The following ANKRD13B variants were observed in gnomAD, a reference collection of about 807,000 sequenced individuals.
ANKRD13B encodes the protein ankyrin repeat domain-containing protein 13B.
ANKRD13B carries 33 observed loss-of-function variants against 74.4 expected under a neutral mutation model. The ratio of observed to expected loss-of-function variants is 0.44; its 90% CI spans 0.34 to 0.59. The LOEUF (loss-of-function observed/expected upper bound fraction) is 0.59, where lower values mean the gene tolerates loss of function less well. ANKRD13B is among the 20% of genes least tolerant of loss of function. ANKRD13B has a pLI of 0.02. For missense variants in ANKRD13B, 676 were observed against 877.9 expected, an observed-to-expected ratio of 0.77 and a Z score of 2.91; for synonymous variants, 341 against 362.9, an observed-to-expected ratio of 0.94 and a Z score of 0.68.
In ANKRD13B at chr17:29,613,629, G is replaced by C. The variant is rs1020624648; in HGVS notation, c.*47G>C. 10 of 1,391,282 alleles carry C rather than the reference G, an allele frequency of 7.2e-6. 2 individuals are homozygous for C. The Admixed American group carries it at 1.7e-4, about 23-fold the overall frequency. The allele number at this position is 1,391,282 out of a possible 1,614,324, so 86.2% of individuals were successfully genotyped here. A position where few individuals can be genotyped will look rare whatever the true frequency, so the allele number is the denominator to read the frequency against. ...CCAGCGCCACGCGCGCCACGCCCAG[G>C]GCCAGGAGCCAGACAAACCCCGGCC... is the stretch of plus-strand genomic sequence containing the variant. On this transcript the variant is annotated 3_prime_UTR_variant, in exon 15 of 15. Transcript: ENST00000394859.
At chr17:29,600,440 G>A (rs933487284) in intron 1 of ANKRD13B, among the ~76,000 whole-genome samples, 1 of 152,212 alleles carries the variant, frequency 6.6e-6, no homozygotes, top group Non-Finnish European at 1.5e-5. Context: ...AGTGGTTCAG[G>A]ACCCAGGTAG....
chr17:29,609,299 C>T lies in ANKRD13B; in HGVS notation c.755+24C>T. The stretch of plus-strand genomic sequence containing the variant: ...AGGTGGGTGGACATGGCCTTGGTCA[C>T]CCTTGAGCCAGCCCGGTGGGGTGCC... On this transcript the variant is annotated intron_variant, in intron 6 of 14. Coordinates refer to ENST00000394859, the MANE Select transcript of ANKRD13B (RefSeq NM_152345.5). The surrounding 1 kb of genome is among the most constrained non-coding windows in gnomAD (Gnocchi z 4.0). 6 of 1,613,200 alleles carry T rather than the reference C, an allele frequency of 3.7e-6. No individual in the cohort carries two copies. Among genetic ancestry groups the T allele is most frequent in the Non-Finnish European group, 5.1e-6 (6 of 1,179,830 alleles).
At chr17:29,596,643 C>A (rs2033965795) in intron 1 of ANKRD13B, among the ~76,000 whole-genome samples, 1 of 152,186 alleles carries the variant, frequency 6.6e-6, no homozygotes, top group Non-Finnish European at 1.5e-5. Flanking sequence ...TTTTCCTTCT[C>A]CCTGGGGCGT....
Position 29,613,630 on chromosome 17 carries a change from G to A in ANKRD13B, c.*48G>A. On this transcript the variant is annotated 3_prime_UTR_variant, in exon 15 of 15. Transcript: ENST00000394859. ...CAGCGCCACGCGCGCCACGCCCAGG[G>A]CCAGGAGCCAGACAAACCCCGGCCT... 7.2e-7 allele frequency: 1 copy of A among 1,389,880 alleles called. No individual in the cohort carries two copies. The highest frequency in any genetic ancestry group is 9.3e-7 in the Non-Finnish European group (1 of 1,074,628). The allele number at this position is 1,389,880 out of a possible 1,614,324, so 86.1% of individuals were successfully genotyped here.
In ANKRD13B at chr17:29,609,437, C is replaced by T; in HGVS notation, c.822+16C>T. The T allele has an allele frequency of 6.2e-7, 1 of 1,612,512 alleles. No individual in the cohort carries two copies. The highest frequency in any genetic ancestry group is 1.7e-5 in the Admixed American group (1 of 59,990). ...TGAAGCTAAGGTGAGGCTGCAGCTC[C>T]CAGCTGCCAGCCCAGCTGCACTCTT... On this transcript the variant is annotated intron_variant, in intron 7 of 14. Transcript: ENST00000394859. The surrounding 1 kb of genome is among the most constrained non-coding windows in gnomAD (Gnocchi z 4.0).
At position 29,593,270 on chromosome 17, in the gene ANKRD13B, C is replaced by CA. The variant is rs1003721701; in HGVS notation, c.-352_-351insA. ...GTCCCCGGGGCCCGCGTCCCGTGCG[C>CA]CCCCGCGCCCGCTGCGGGCGCCTGC... On this transcript the variant is annotated 5_prime_UTR_variant, in exon 1 of 15. It introduces an in-frame stop codon into an upstream open reading frame of the 5' UTR. Coordinates refer to ENST00000394859, the MANE Select transcript of ANKRD13B (RefSeq NM_152345.5). Among the ~76,000 whole-genome samples, 4 of 148,906 alleles carry CA rather than the reference C, an allele frequency of 2.7e-5. No homozygotes were observed. The highest frequency in any genetic ancestry group is 6.7e-5 in the Admixed American group (1 of 15,004).
Position 29,608,301 on chromosome 17 carries a change from C to G in ANKRD13B, c.421+61C>G, listed in dbSNP as rs1206324072. 1 of 1,604,652 alleles carries G rather than the reference C, an allele frequency of 6.2e-7. No individual in the cohort carries two copies. The highest frequency in any genetic ancestry group is 1.3e-5 in the African/African-American group (1 of 74,788). ...CCACTTTAGGTCCTGCGCTTGCTCC[C>G]CTGCCTGGAATGTGTTCTCATAGTT... is the stretch of plus-strand genomic sequence containing the variant. On this transcript the variant is annotated intron_variant, in intron 4 of 14. Transcript: ENST00000394859. The surrounding 1 kb of genome is among the most constrained non-coding windows in gnomAD (Gnocchi z 6.4).
At chr17:29,610,007 A>G (rs908765125) in intron 7 of ANKRD13B, among the ~76,000 whole-genome samples, 3 of 152,098 alleles carry the variant, frequency 2.0e-5, no homozygotes, top group South Asian at 4.1e-4. Flanking sequence ...CCTGGCTAAC[A>G]TGGTGAAACC....
chr17:29,595,963 G>A (rs1370622320), intron 1 of ANKRD13B, among the ~76,000 whole-genome samples: 1 of 152,162 alleles, frequency 6.6e-6, no homozygotes, highest in Non-Finnish European at 1.5e-5. Context: ...CTGCAAGGGG[G>A]ACCTGGGGAC....
rs1419812821 is a variant in ANKRD13B, at chr17:29,612,830, G to C, written c.1575+15G>C. On this transcript the variant is annotated intron_variant, in intron 13 of 14. Coordinates refer to ENST00000394859, the MANE Select transcript of ANKRD13B (RefSeq NM_152345.5). This position sits in a 1 kb window ranked among gnomAD's most constrained non-coding sequence, Gnocchi z 6.1. ...AGTATGACCAGGTGCGTCTCCGCGG[G>C]CGCGCGGGGCCACGGGACTCCGCGC... 1.7e-5 allele frequency: 27 copies of C among 1,600,174 alleles called. No homozygotes were observed. The highest frequency in any genetic ancestry group is 2.2e-5 in the Non-Finnish European group (26 of 1,178,252).
At position 29,611,975 on chromosome 17, in the gene ANKRD13B, C is replaced by T. The variant is rs775966497; in HGVS notation, c.1069C>T (p.Arg357Cys). The T allele has an allele frequency of 6.8e-6, 11 of 1,613,764 alleles. No individual in the cohort carries two copies. Among genetic ancestry groups the T allele is most frequent in the Admixed American group, 1.7e-5 (1 of 59,958 alleles). The change falls in exon 10 of 15, where the codon CGC (arginine) becomes TGC (cysteine). Residue 357 changes from arginine (R) to cysteine (C), a missense_variant. Arg to Cys is a radical substitution (Grantham distance 180). Around this residue, in one of 4 missense-constraint regions of ANKRD13B, gnomAD observed 328 missense variants for 518.4 expected, o/e 0.63. Coordinates refer to ENST00000394859, the MANE Select transcript of ANKRD13B (RefSeq NM_152345.5). This position sits in a 1 kb window ranked among gnomAD's most constrained non-coding sequence, Gnocchi z 4.3. The stretch of plus-strand genomic sequence containing the variant: ...TGAGCTGGGCAACCGTGATATGGGC[C>T]GCCCCATGGAACTGACCACCAAGAC... ...NFELGNRDMG[R>C]PMELTTKTQK...
intron 1 of ANKRD13B, 76 bp downstream of exon 1, chr17:29,593,811 C>A: frequency 2.4e-6 from 2 of 828,294 alleles, no homozygotes; most frequent in Non-Finnish European, 3.2e-6. Context: ...GGGTGCGGCG[C>A]GGGCTGTCCC....
At position 29,612,299 on chromosome 17, in the gene ANKRD13B, G is replaced by A; in HGVS notation, c.1258+26G>A. On this transcript the variant is annotated intron_variant, in intron 11 of 14. Transcript: ENST00000394859. The surrounding 1 kb of genome is among the most constrained non-coding windows in gnomAD (Gnocchi z 6.1). ...GTGAGACCGCACGGCCATTTCTCCT[G>A]AGCCCGTGGCGGGCCGACCGGGGTT... is the stretch of plus-strand genomic sequence containing the variant. 1 of 1,613,192 alleles carries A rather than the reference G, an allele frequency of 6.2e-7. No homozygotes were observed. The highest frequency in any genetic ancestry group is 8.5e-7 in the Non-Finnish European group (1 of 1,179,362).
intron 1 of ANKRD13B, among the ~76,000 whole-genome samples, chr17:29,595,730 T>C (rs2033928874): frequency 6.6e-6 from 1 of 152,100 alleles, no homozygotes; most frequent in African/African-American, 2.4e-5. Context: ...CTGTCCTGGA[T>C]CCAGGCCAGG....
chr17:29,598,234 G>A (rs2034028921), intron 1 of ANKRD13B, among the ~76,000 whole-genome samples: 1 of 152,128 alleles, frequency 6.6e-6, no homozygotes, highest in Admixed American at 6.5e-5. Flanking sequence ...GAGGCTCCCA[G>A]TATATTGAAA....
At position 29,610,738 on chromosome 17, in the gene ANKRD13B, T is replaced by A; in HGVS notation, c.876T>A (p.Leu292=). Residue 292 remains leucine, a synonymous_variant, in exon 8 of 15, where the codon CTT becomes CTA. Coordinates refer to ENST00000394859, the MANE Select transcript of ANKRD13B (RefSeq NM_152345.5). ...ELITRTRTEH[L]SEQHKGKVKG... ...TCACCCGCACACGGACAGAACATCT[T>A]TCAGAACAGCACAAGGGCAAGGTCA... 6.2e-7 allele frequency: 1 copy of A among 1,613,956 alleles called. No individual in the cohort carries two copies. Among genetic ancestry groups the A allele is most frequent in the East Asian group, 2.2e-5 (1 of 44,874 alleles).
Position 29,612,630 on chromosome 17 carries a change from G to A in ANKRD13B, c.1412-22G>A. ...GGGAGGGGCGCGCCCGGCCGTGCCT[G>A]ACCCAGCCCCCGCGCCCCCAGCCTC... On this transcript the variant is annotated intron_variant, in intron 12 of 14. Coordinates refer to ENST00000394859, the MANE Select transcript of ANKRD13B (RefSeq NM_152345.5). The surrounding 1 kb of genome is among the most constrained non-coding windows in gnomAD (Gnocchi z 6.1). The A allele has an allele frequency of 6.5e-7, 1 of 1,527,316 alleles. No individual in the cohort carries two copies. The highest frequency in any genetic ancestry group is 8.8e-7 in the Non-Finnish European group (1 of 1,141,406). The allele number at this position is 1,527,316 out of a possible 1,614,324, so 94.6% of individuals were successfully genotyped here.
chr17:29,594,251 C>G (rs1030527336), intron 1 of ANKRD13B, among the ~76,000 whole-genome samples: 17 of 152,176 alleles, frequency 1.1e-4, no homozygotes, highest in African/African-American at 4.1e-4. Flanking sequence ...CTCTCAGAGC[C>G]CAGCCCCAGC....
chr17:29,613,502 CAGG>C lies in ANKRD13B; in HGVS notation c.1807_1809del (p.Glu603del), dbSNP rs753081116. The C allele has an allele frequency of 3.9e-5, 59 of 1,531,332 alleles. No homozygotes were observed. Among genetic ancestry groups the C allele is most frequent in the Non-Finnish European group, 4.9e-5 (56 of 1,140,986 alleles). 94.9% of individuals were successfully genotyped at this position (1,531,332 alleles called of 1,614,324 possible). A position where few individuals can be genotyped will look rare whatever the true frequency, so the allele number is the denominator to read the frequency against. ...GGCGATGGAACTGTCGGCGCAGGAG[CAGG>C]AGGAGAGGCGGCGGCGCGCGCGCCA... On this transcript the variant is annotated inframe_deletion, in exon 15 of 15. Transcript: ENST00000394859.
Sources: gnomAD v4.1 joint callset for allele counts (sites outside exome capture counted in the v4.1 genomes callset) on GRCh38, gnomAD v4.1.1 for gene constraint, gnomAD v4.1.1 regional missense constraint, Gnocchi (gnomAD v3.1) non-coding constraint, MANE v1.5 for transcripts, NCBI Gene and HGNC (gene_info 2026-07-23, HGNC 2026-07-21) for gene names.